WDFY3: variants seen among roughly 807,000 people sequenced by gnomAD.
WDFY3 encodes WD repeat and FYVE domain containing 3, also known as WD repeat and FYVE domain-containing protein 3.
Under a neutral mutation model 409.6 loss-of-function variants are expected in WDFY3, and 66 were observed. The observed-to-expected ratio is 0.16, with a 90% CI of 0.13 to 0.20. WDFY3 has a LOEUF of 0.20. WDFY3 is among the 10% of genes least tolerant of loss of function. The probability of loss-of-function intolerance (pLI) is 1.00; values close to 1 mark genes in which losing one functional copy is unlikely to be tolerated. For synonymous variants in WDFY3, 1,521 were observed against 1,537.1 expected (o/e 0.99, Z 0.25); for missense variants, 3,031 against 4,298.1 (o/e 0.71, Z 8.24).
chr4:84,671,832 AC>A lies in WDFY3; in HGVS notation c.*1035del, dbSNP rs1725481318. 1 of 152,470 alleles carries A rather than the reference AC, an allele frequency of 6.6e-6. No individual in the cohort carries two copies. The highest frequency in any genetic ancestry group is 2.4e-5 in the African/African-American group (1 of 41,416). 9.4% of individuals were successfully genotyped at this position (152,470 alleles called of 1,614,324 possible). On this transcript the variant is annotated 3_prime_UTR_variant, in exon 68 of 68. Transcript: ENST00000295888. ...GTACACTTCTTTCTTTCCTTTTTTTACCCCTTGTTTGAAAATAAGCTATAGT... is the reference window on the plus strand; with the variant it reads ...GTACACTTCTTTCTTTCCTTTTTTTACCCTTGTTTGAAAATAAGCTATAGT...
rs751566478 is a variant in WDFY3 at position 84,724,575 on chromosome 4, C to T, written c.7292G>A (p.Arg2431Lys). The T allele has an allele frequency of 6.2e-6, 10 of 1,610,452 alleles. No homozygotes were observed. The highest frequency in any genetic ancestry group is 7.6e-6 in the Non-Finnish European group (9 of 1,179,020). ...IPQKKPARYR[R>K]AVSYDSKEYY... ...CTCTTTACTGTCATAACTTACGGCT[C>T]TTCTATATCGAGCAGGTTTCTAAGA... The change falls in exon 46 of 68, where the codon AGA becomes AAA. Residue 2431 changes from arginine (R) to lysine (K), a missense_variant. Around this residue, in one of 16 missense-constraint regions of WDFY3, gnomAD observed 127 missense variants for 144.4 expected, o/e 0.88. Transcript: ENST00000295888.
intron 2 of WDFY3, among the ~76,000 whole-genome samples, chr4:84,920,614 A>C (rs1004273470): frequency 6.6e-6 from 1 of 152,128 alleles, no homozygotes; most frequent in Non-Finnish European, 1.5e-5. Context: ...AATTATTTCC[A>C]AAAAAATCAT....
At chr4:84,816,349 C>T (rs1753293704) in intron 13 of WDFY3, among the ~76,000 whole-genome samples, 1 of 152,092 alleles carries the variant, frequency 6.6e-6, no homozygotes, top group Admixed American at 6.6e-5. Flanking sequence ...CACAGCTTTA[C>T]AAAGAGACTA....
At position 84,817,365 on chromosome 4, in the gene WDFY3, G is replaced by C; in HGVS notation, c.1887+27C>G. On this transcript the variant is annotated intron_variant, in intron 13 of 67. Transcript: ENST00000295888. ...ATAACCACAGATTTTAGTAGTAAAA[G>C]AAGGGAAACACATTTATCAAACTTA... The C allele has an allele frequency of 3.1e-6, 5 of 1,610,766 alleles. No individual in the cohort carries two copies. The South Asian group carries it at 3.3e-5, about 11-fold the overall frequency.
At chr4:84,699,515 T>C (rs1490150749) in intron 56 of WDFY3, among the ~76,000 whole-genome samples, 1 of 152,220 alleles carries the variant, frequency 6.6e-6, no homozygotes, top group Non-Finnish European at 1.5e-5. Context: ...AATGCTACTA[T>C]GAACATGCTC....
chr4:84,937,039 T>G (rs188057314), intron 1 of WDFY3, among the ~76,000 whole-genome samples: 1 of 152,188 alleles, frequency 6.6e-6, no homozygotes, highest in African/African-American at 2.4e-5. Context: ...ACTCCTTATA[T>G]GCCTCTAGAT....
intron 2 of WDFY3, among the ~76,000 whole-genome samples, chr4:84,914,496 C>T (rs1293701571): frequency 1.3e-5 from 2 of 152,060 alleles, no homozygotes; most frequent in Non-Finnish European, 2.9e-5. Context: ...AAAAGTTATA[C>T]ATAAATTTTC....
Position 84,733,452 on chromosome 4 carries a change from A to C in WDFY3, c.7151T>G (p.Met2384Arg). 1 of 1,613,964 alleles carries C rather than the reference A, an allele frequency of 6.2e-7. No individual in the cohort carries two copies. The highest frequency in any genetic ancestry group is 8.5e-7 in the Non-Finnish European group (1 of 1,180,010). Residue 2384 changes from methionine (M) to arginine (R), a missense_variant, in exon 44 of 68, where the codon ATG (methionine) becomes AGG (arginine). Transcript: ENST00000295888. ...GTTATAAAACATATCATTTCGCACC[A>C]TCTTTTTCCTCATCCTGCAGGGCCC... is the stretch of plus-strand genomic sequence containing the variant. ...TEGPCRMRKK[M>R]VRNDMFYNHY...
chr4:84,890,208 T>C (rs987073218), intron 3 of WDFY3, among the ~76,000 whole-genome samples: 1 of 152,148 alleles, frequency 6.6e-6, no homozygotes, highest in Admixed American at 6.5e-5. Context: ...CAGGCAATCC[T>C]CCTGCCTCAG....
At chr4:84,850,098 T>C (rs952936138) in intron 4 of WDFY3, 73 bp from the exon 5 acceptor site, 1 of 1,477,310 alleles carries the variant, frequency 6.8e-7, no homozygotes, top group Non-Finnish European at 9.0e-7. Flanking sequence ...TTTTCAAGTG[T>C]GGTATGACTT....
chr4:84,683,823 G>C (rs572504136), intron 63 of WDFY3, 120 bp downstream of exon 63: 1 of 1,053,782 alleles, frequency 9.5e-7, no homozygotes, highest in East Asian at 2.5e-5. Context: ...GTCTGAGCTG[G>C]AGCGAGAGTT....
intron 13 of WDFY3, among the ~76,000 whole-genome samples, chr4:84,812,014 G>T (rs1330139172): frequency 6.6e-6 from 1 of 152,122 alleles, no homozygotes; most frequent in Admixed American, 6.5e-5. Context: ...CACTCAAAAA[G>T]ATTGCAGCAT....
At chr4:84,927,182 G>A (rs896484006) in intron 2 of WDFY3, among the ~76,000 whole-genome samples, 29 of 152,038 alleles carry the variant, frequency 1.9e-4, no homozygotes, top group African/African-American at 4.8e-4. Context: ...GTAAAATCAC[G>A]TAAAAATCAT....
chr4:84,957,565 G>C (rs893892610), intron 1 of WDFY3, among the ~76,000 whole-genome samples: 9 of 152,172 alleles, frequency 5.9e-5, no homozygotes, highest in African/African-American at 1.2e-4. Context: ...ATGAAAGCCT[G>C]CAACAAGAAC....
chr4:84,718,003 G>A (rs954628569), intron 48 of WDFY3, among the ~76,000 whole-genome samples: 1 of 135,408 alleles, frequency 7.4e-6, no homozygotes, highest in Non-Finnish European at 1.5e-5. Context: ...AGCCGAGATT[G>A]CGCCACTGCC....
chr4:84,778,363 A>G (rs1378811144), intron 27 of WDFY3, 140 bp downstream of exon 27: 2 of 801,282 alleles, frequency 2.5e-6, no homozygotes, highest in African/African-American at 3.6e-5. Flanking sequence ...TACTTTTTAT[A>G]TTTTACTAAA....
intron 43 of WDFY3, among the ~76,000 whole-genome samples, chr4:84,734,374 A>T (rs1014554353): frequency 6.6e-6 from 1 of 152,214 alleles, no homozygotes. Flanking sequence ...AAGATTACTG[A>T]GTGAACAATT....
At chr4:84,683,838 A>C (rs1461061499) in intron 63 of WDFY3, 105 bp downstream of exon 63, 1 of 1,253,034 alleles carries the variant, frequency 8.0e-7, no homozygotes, top group Non-Finnish European at 1.1e-6. Flanking sequence ...AGAGTTCACT[A>C]AACATTACAA....
Position 84,829,070 on chromosome 4 carries a change from G to A in WDFY3, c.890C>T (p.Ser297Phe). 3 of 1,613,674 alleles carry A rather than the reference G, an allele frequency of 1.9e-6. No homozygotes were observed. The highest frequency in any genetic ancestry group is 2.5e-6 in the Non-Finnish European group (3 of 1,179,756). Reference protein sequence around the residue: ...SCFLKDSSDVSQTLLDDFRIW... With the variant: ...SCFLKDSSDVFQTLLDDFRIW... Reference sequence around the variant, plus strand: ...CCGAAAATCATCCAGAAGTGTTTGGGAAACATCGCTGGAATCTTTGAGGAA... The same window carrying A: ...CCGAAAATCATCCAGAAGTGTTTGGAAAACATCGCTGGAATCTTTGAGGAA... The change falls in exon 9 of 68, where the codon TCC (serine) becomes TTC (phenylalanine). Residue 297 changes from serine (S) to phenylalanine (F), a missense_variant. By Grantham distance (155) the Ser-to-Phe change is radical (BLOSUM62 -2). Transcript: ENST00000295888.
Sources: gnomAD v4.1 joint callset for allele counts (sites outside exome capture counted in the v4.1 genomes callset) on GRCh38, gnomAD v4.1.1 for gene constraint, gnomAD v4.1.1 regional missense constraint, MANE v1.5 for transcripts, NCBI Gene and HGNC (gene_info 2026-07-23, HGNC 2026-07-21) for gene names.